The following MYH6 variants were observed in gnomAD, a reference collection of about 807,000 sequenced individuals.
MYH6 encodes the protein myosin-6.
MYH6 carries 126 observed loss-of-function variants against 223.2 expected under a neutral mutation model. The observed-to-expected ratio is 0.56, with a 90% CI of 0.49 to 0.65. The LOEUF (loss-of-function observed/expected upper bound fraction) is 0.65, where lower values mean the gene tolerates loss of function less well. Among genes scored for constraint, MYH6 ranks in the 30% least tolerant of loss-of-function variants. MYH6 has a pLI of 0.00. For synonymous variants in MYH6, 978 were observed against 1,010.2 expected, an observed-to-expected ratio of 0.97 and a Z score of 0.61; for missense variants, 2,040 against 2,536.4, an observed-to-expected ratio of 0.80 and a Z score of 4.20.
chr14:23,403,663 A>AG, intron 9 of MYH6, 52 bp downstream of exon 9: 1 of 1,520,594 alleles, frequency 6.6e-7, no homozygotes, highest in Non-Finnish European at 9.1e-7. Flanking sequence ...CCAGGCAGGG[A>AG]GAGAAGGCAG....
At position 23,388,012 on chromosome 14, in the gene MYH6, C is replaced by T. The variant is rs544401649; in HGVS notation, c.4360-89G>A. The T allele has an allele frequency of 5.8e-5, 93 of 1,605,256 alleles. 1 individual carries two copies. The Admixed American group carries it at 1.3e-3, about 22-fold the overall frequency. On this transcript the variant is annotated intron_variant, in intron 30 of 38. Transcript: ENST00000405093. ...CAGTGCCCCAGCCCCCAGCCTCAGC[C>T]GCATGTCCAAGATCTGTCCCTGGTC...
intron 29 of MYH6, chr14:23,388,601 A>G: frequency 1.2e-6 from 1 of 856,660 alleles, no homozygotes; most frequent in Non-Finnish European, 2.0e-6. Flanking sequence ...TCCTCTGACC[A>G]ACAAGCTTTT....
In MYH6 at chr14:23,389,423, GTCC is replaced by G; in HGVS notation, c.3945_3947del (p.Glu1315del). On this transcript the variant is annotated inframe_deletion, in exon 28 of 39. Transcript: ENST00000405093. ...CCTCCTCCTCCAGCTGCCTTTTGAG[GTCC>G]TCCATTTGCTGGGTATAAGAGAGCT... The G allele has an allele frequency of 6.2e-7, 1 of 1,614,136 alleles. No homozygotes were observed. The highest frequency in any genetic ancestry group is 1.1e-5 in the South Asian group (1 of 91,074).
Position 23,387,635 on chromosome 14 carries a change from G to T in MYH6, c.4544C>A (p.Thr1515Asn). ...CTTTCCTCCTTCTCCTAGCTGCTCA[G>T]TAAGGTCCGAGATTTCCTCTGGGGA... ...KNLQEEISDL[T>N]EQLGEGGKNV... Residue 1515 changes from threonine (T) to asparagine (N), a missense_variant, in exon 32 of 39, where the codon ACT becomes AAT. Coordinates refer to ENST00000405093, the MANE Select transcript of MYH6 (RefSeq NM_002471.4). 1 of 1,614,080 alleles carries T rather than the reference G, an allele frequency of 6.2e-7. No homozygotes were observed. Among genetic ancestry groups the T allele is most frequent in the Non-Finnish European group, 8.5e-7 (1 of 1,180,020 alleles).
intron 28 of MYH6, 79 bp downstream of exon 28, chr14:23,389,314 C>T: frequency 3.3e-6 from 5 of 1,507,708 alleles, no homozygotes; most frequent in Non-Finnish European, 4.6e-6. Context: ...CTTTCCAGCT[C>T]CAGGCTCCAT....
chr14:23,391,010 CATG>C (rs1891223117), intron 25 of MYH6, among the ~76,000 whole-genome samples: 1 of 152,236 alleles, frequency 6.6e-6, no homozygotes, highest in Non-Finnish European at 1.5e-5. Flanking sequence ...TGGGTTTCAA[CATG>C]ATTGCTCCCT....
chr14:23,399,842 C>A, intron 14 of MYH6: 1 of 279,706 alleles, frequency 3.6e-6, no homozygotes, highest in South Asian at 4.2e-5. Flanking sequence ...CTCCCGCCTG[C>A]GGCCTTGTCT....
At position 23,403,785 on chromosome 14, in the gene MYH6, A is replaced by T. The variant is rs554039977; in HGVS notation, c.736-7T>A. 6.2e-7 allele frequency: 1 copy of T among 1,608,390 alleles called. No individual in the cohort carries two copies. The highest frequency in any genetic ancestry group is 2.2e-5 in the East Asian group (1 of 44,726). ...GGATCCTAATGAATTTCCCCTGGGG[A>T]CGAATGGGACAGAGTGAGGGAACTG... On this transcript the variant is annotated splice_region_variant and splice_polypyrimidine_tract_variant and intron_variant, in intron 8 of 38. Transcript: ENST00000405093.
At position 23,389,437 on chromosome 14, in the gene MYH6, G is replaced by C. The variant is rs1322506642; in HGVS notation, c.3934C>G (p.Gln1312Glu). The part of the protein sequence containing the change: ...QLTRGKLSYT[Q>E]QMEDLKRQLE... Reference sequence around the variant, plus strand: ...TGCCTTTTGAGGTCCTCCATTTGCTGGGTATAAGAGAGCTTCCCCCGGGTC... The same window carrying C: ...TGCCTTTTGAGGTCCTCCATTTGCTCGGTATAAGAGAGCTTCCCCCGGGTC... Residue 1312 changes from glutamine (Q) to glutamate (E), a missense_variant, in exon 28 of 39, where the codon CAG (glutamine) becomes GAG (glutamate). By Grantham distance (29) the Gln-to-Glu change is conservative. Coordinates refer to ENST00000405093, the MANE Select transcript of MYH6 (RefSeq NM_002471.4). 5 of 1,614,046 alleles carry C rather than the reference G, an allele frequency of 3.1e-6. No homozygotes were observed. The highest frequency in any genetic ancestry group is 3.4e-6 in the Non-Finnish European group (4 of 1,180,044).
rs141187241 is a variant in MYH6, at chr14:23,405,381, T to C, written c.346-2A>G. 31 of 1,613,984 alleles carry C rather than the reference T, an allele frequency of 1.9e-5. No homozygotes were observed. The African/African-American group carries it at 3.6e-4, about 19-fold the overall frequency. ...GACACAGAAGAGGCCCGAGTAGGTC[T>C]GGAGCAGGAGACAAGGCTGGGCATG... On this transcript the variant is annotated splice_acceptor_variant, in intron 4 of 38. Transcript: ENST00000405093. LOFTEE classifies it high-confidence loss of function. This position sits in a 1 kb window ranked among gnomAD's most constrained non-coding sequence, Gnocchi z 4.7.
chr14:23,384,066 G>A (rs1890940768), intron 36 of MYH6, among the ~76,000 whole-genome samples: 1 of 151,968 alleles, frequency 6.6e-6, no homozygotes, highest in Admixed American at 6.6e-5. Context: ...TTCTCTTTGT[G>A]TGCCAGAAGT....
At chr14:23,396,530 T>C in intron 19 of MYH6, 110 bp from the exon 20 acceptor site, 1 of 1,565,090 alleles carries the variant, frequency 6.4e-7, no homozygotes, top group Non-Finnish European at 8.7e-7. Context: ...CTTCTAGAAG[T>C]AAGAGTAAAA....
At chr14:23,394,458 A>G (rs1891335510) in intron 20 of MYH6, 135 bp from the exon 21 acceptor site, 6 of 1,160,278 alleles carry the variant, frequency 5.2e-6, no homozygotes, top group African/African-American at 1.6e-5. Context: ...TACACTGAAC[A>G]TGGAGTTGCT....
intron 13 of MYH6, 102 bp from the exon 14 acceptor site, chr14:23,400,528 C>T: frequency 1.3e-6 from 2 of 1,595,976 alleles, no homozygotes; most frequent in South Asian, 1.1e-5. Flanking sequence ...TATGGCTGTC[C>T]CCTCCATGTC....
intron 6 of MYH6, 70 bp from the exon 7 acceptor site, chr14:23,404,892 G>T: frequency 6.5e-7 from 1 of 1,530,310 alleles, no homozygotes; most frequent in Non-Finnish European, 9.0e-7. Context: ...AGCATCACAT[G>T]CTCCCCTTCC....
intron 14 of MYH6, among the ~76,000 whole-genome samples, chr14:23,399,383 C>T (rs957349450): frequency 1.3e-5 from 2 of 152,196 alleles, no homozygotes; most frequent in Non-Finnish European, 1.5e-5. Context: ...CCGGGCCAGG[C>T]TCTGTCTGTA....
At position 23,384,492 on chromosome 14, in the gene MYH6, C is replaced by T; in HGVS notation, c.5515G>A (p.Val1839Met). The T allele has an allele frequency of 6.2e-7, 1 of 1,612,988 alleles. No individual in the cohort carries two copies. Among genetic ancestry groups the T allele is most frequent in the Non-Finnish European group, 8.5e-7 (1 of 1,180,006 alleles). Residue 1839 changes from valine (V) to methionine (M), a missense_variant, in exon 36 of 39, where the codon GTG (valine) becomes ATG (methionine). Val to Met is a conservative substitution (Grantham distance 21). Transcript: ENST00000405093. ...CGCTCGCTCTTCCTCATGCCCTTCA[C>T]CGACTCTGCGTTGCGCTTCTGCTCG... ...EAEQKRNAES[V>M]KGMRKSERRI...
intron 23 of MYH6, 21 bp downstream of exon 23, chr14:23,393,321 A>T: frequency 1.2e-6 from 2 of 1,614,106 alleles, no homozygotes; most frequent in South Asian, 2.2e-5. Context: ...TGAGAGCAGG[A>T]GCATGGTTCT....
intron 14 of MYH6, 111 bp from the exon 15 acceptor site, chr14:23,399,148 T>C: frequency 3.0e-6 from 4 of 1,327,802 alleles, no homozygotes; most frequent in Non-Finnish European, 4.3e-6. Context: ...GCTGGCCTGC[T>C]GAAGGGGCGC....
Sources: gnomAD v4.1 joint callset for allele counts (sites outside exome capture counted in the v4.1 genomes callset) on GRCh38, gnomAD v4.1.1 for gene constraint, Gnocchi (gnomAD v3.1) non-coding constraint, MANE v1.5 for transcripts, NCBI Gene and HGNC (gene_info 2026-07-23, HGNC 2026-07-21) for gene names.